The following NUFIP1 variants were observed in gnomAD, a reference collection of about 807,000 sequenced individuals.
NUFIP1 encodes FMR1-interacting protein NUFIP1.
A neutral mutation model predicts 56.2 loss-of-function variants in NUFIP1; 38 were observed. The observed-to-expected ratio is 0.68, with a 90% CI of 0.52 to 0.89. The LOEUF is 0.89. NUFIP1 is among the 40% of genes least tolerant of loss of function. The pLI, the probability that NUFIP1 is intolerant of heterozygous loss-of-function variation, is 0.00. For synonymous variants in NUFIP1, 215 were observed against 212.4 expected (o/e 1.01, Z -0.10); for missense variants, 567 against 605.8 (o/e 0.94, Z 0.67).
intron 5 of NUFIP1, among the ~76,000 whole-genome samples, chr13:44,966,804 T>C (rs766284927): frequency 6.6e-5 from 10 of 151,472 alleles, no homozygotes; most frequent in Non-Finnish European, 1.3e-4. Flanking sequence ...TGAAATACCA[T>C]CTCTACTAAA....
Position 44,939,676 on chromosome 13 carries a change from C to T in NUFIP1, c.*1530G>A, listed in dbSNP as rs1870666110. 6.6e-6 allele frequency: 1 copy of T among 152,128 alleles called. No individual in the cohort carries two copies. The highest frequency in any genetic ancestry group is 2.4e-5 in the African/African-American group (1 of 41,432). The allele number at this position is 152,128 out of a possible 1,614,324, so 9.4% of individuals were successfully genotyped here. A position where few individuals can be genotyped will look rare whatever the true frequency, so the allele number is the denominator to read the frequency against. On this transcript the variant is annotated 3_prime_UTR_variant, in exon 10 of 10. Transcript: ENST00000379161. The stretch of plus-strand genomic sequence containing the variant: ...TAAAAATAAACAATAGTCACCATAG[C>T]TAAAGACTGTCAGACATACAGCCAA...
intron 6 of NUFIP1, among the ~76,000 whole-genome samples, chr13:44,965,213 C>A (rs1454959654): frequency 1.3e-5 from 2 of 152,200 alleles, no homozygotes; most frequent in Non-Finnish European, 2.9e-5. Flanking sequence ...CTGCTGCCAT[C>A]CATAGAAGAT....
In NUFIP1 at chr13:44,970,467, A is replaced by G. The variant is rs145989117; in HGVS notation, c.735-4531T>C. 4.5e-4 allele frequency among the ~76,000 whole-genome samples: 68 copies of G among 152,328 alleles called. 1 individual carries two copies. The highest frequency in any genetic ancestry group is 1.6e-3 in the African/African-American group (65 of 41,572). On this transcript the variant is annotated intron_variant, in intron 5 of 9. Transcript: ENST00000379161. ...GCTTTTCCTAACAGAGCAACTACAT[A>G]AAGACCTTATTTTTCCTGCATGTCA...
chr13:44,984,287 A>C (rs1872304544), intron 1 of NUFIP1, among the ~76,000 whole-genome samples: 1 of 152,188 alleles, frequency 6.6e-6, no homozygotes, highest in Non-Finnish European at 1.5e-5. Flanking sequence ...ATTCATACTT[A>C]TAACATATCT....
At chr13:44,981,164 A>C (rs1872175036) in intron 2 of NUFIP1, among the ~76,000 whole-genome samples, 1 of 152,200 alleles carries the variant, frequency 6.6e-6, no homozygotes. Flanking sequence ...ACAGCAGCTC[A>C]TCTTTTAGAA....
At chr13:44,976,568 T>C (rs889223483) in intron 5 of NUFIP1, among the ~76,000 whole-genome samples, 1 of 152,068 alleles carries the variant, frequency 6.6e-6, no homozygotes, top group Non-Finnish European at 1.5e-5. Context: ...TCCAGCTACT[T>C]GGGGAGTGGT....
chr13:44,974,765 T>C (rs142425557), intron 5 of NUFIP1, among the ~76,000 whole-genome samples: 10 of 152,300 alleles, frequency 6.6e-5, no homozygotes, highest in African/African-American at 1.9e-4. Context: ...TTGCTCAGGC[T>C]TGGCCGTTAG....
chr13:44,949,199 A>ATTTTTTTTTTTTTTTTTTTTTTT (rs11421255), intron 8 of NUFIP1, among the ~76,000 whole-genome samples: 1 of 112,648 alleles, frequency 8.9e-6, no homozygotes, highest in Non-Finnish European at 1.7e-5. Flanking sequence ...ATTATATTGT[A>ATTTTTTTTTTTTTTTTTTTTTTT]TTTTTTTTTT....
chr13:44,963,584 T>G (rs1047004600), intron 6 of NUFIP1, among the ~76,000 whole-genome samples: 1 of 152,228 alleles, frequency 6.6e-6, no homozygotes, highest in Non-Finnish European at 1.5e-5. Flanking sequence ...ATGTCTTTTT[T>G]ATGAACAGGT....
intron 7 of NUFIP1, among the ~76,000 whole-genome samples, chr13:44,956,648 A>G (rs1050419029): frequency 1.3e-5 from 2 of 152,134 alleles, no homozygotes; most frequent in Non-Finnish European, 2.9e-5. Context: ...TAAATCCCTC[A>G]CGTGCACAGT....
At chr13:44,941,840 T>A (rs1870750435) in intron 9 of NUFIP1, among the ~76,000 whole-genome samples, 1 of 152,008 alleles carries the variant, frequency 6.6e-6, no homozygotes, top group Admixed American at 6.5e-5. Context: ...TAAACAGTAC[T>A]AACGCTTATA....
At chr13:44,975,374 C>T (rs997986641) in intron 5 of NUFIP1, among the ~76,000 whole-genome samples, 1 of 152,166 alleles carries the variant, frequency 6.6e-6, no homozygotes, top group African/African-American at 2.4e-5. Context: ...CAAAGCCCAT[C>T]CTCTTCCAGT....
intron 1 of NUFIP1, among the ~76,000 whole-genome samples, chr13:44,987,156 T>C (rs1473208523): frequency 2.0e-5 from 3 of 152,140 alleles, no homozygotes; most frequent in Admixed American, 2.0e-4. Flanking sequence ...GGAGGATGGA[T>C]CACTTGAGGT....
intron 4 of NUFIP1, 23 bp downstream of exon 4, chr13:44,979,867 T>C (rs780194682): frequency 8.4e-6 from 13 of 1,545,052 alleles, no homozygotes; most frequent in Admixed American, 4.0e-5. Context: ...TATTTAAAAA[T>C]AGGATAAAAA....
intron 1 of NUFIP1, among the ~76,000 whole-genome samples, chr13:44,982,480 C>T (rs1055523795): frequency 1.3e-5 from 2 of 152,172 alleles, no homozygotes; most frequent in African/African-American, 4.8e-5. Flanking sequence ...CAACACTGCT[C>T]CTTCAGCATC....
At chr13:44,988,965 G>T in intron 1 of NUFIP1, 60 bp downstream of exon 1, 4 of 1,540,386 alleles carry the variant, frequency 2.6e-6, no homozygotes, top group Non-Finnish European at 3.6e-6. Flanking sequence ...CAGAGAAAGG[G>T]GAGAGGAAAG....
At chr13:44,965,268 C>T (rs1871557635) in intron 6 of NUFIP1, among the ~76,000 whole-genome samples, 2 of 152,194 alleles carry the variant, frequency 1.3e-5, no homozygotes, top group East Asian at 1.9e-4. Flanking sequence ...TGAGGCTTCC[C>T]CAGCCACGTG....
At chr13:44,951,723 T>C (rs1039334235) in intron 7 of NUFIP1, among the ~76,000 whole-genome samples, 2 of 152,228 alleles carry the variant, frequency 1.3e-5, no homozygotes, top group Non-Finnish European at 2.9e-5. Context: ...CACACAAATT[T>C]TCTGGTTTCT....
intron 5 of NUFIP1, among the ~76,000 whole-genome samples, chr13:44,971,507 G>C (rs1478791924): frequency 6.6e-6 from 1 of 151,970 alleles, no homozygotes; most frequent in Non-Finnish European, 1.5e-5. Flanking sequence ...GGACAGAGCC[G>C]CTTCCAAAAT....
Sources: allele counts gnomAD v4.1 joint callset (sites outside exome capture counted in the v4.1 genomes callset), GRCh38; gene constraint gnomAD v4.1.1; transcripts MANE v1.5; gene names NCBI Gene and HGNC (gene_info 2026-07-23, HGNC 2026-07-21).